DNMT3B: variants seen among roughly 807,000 people sequenced by gnomAD.
DNMT3B encodes the protein DNA methyltransferase 3 beta.
In DNMT3B, 37 loss-of-function variants were observed where a neutral mutation model predicts 120.2. The ratio of observed to expected loss-of-function variants is 0.31; its 90% CI spans 0.24 to 0.40. The LOEUF (loss-of-function observed/expected upper bound fraction) is 0.40, where lower values mean the gene tolerates loss of function less well. DNMT3B is among the 10% of genes least tolerant of loss of function. The pLI, the probability that DNMT3B is intolerant of heterozygous loss-of-function variation, is 1.00. For synonymous variants in DNMT3B, 412 were observed against 442.8 expected, an observed-to-expected ratio of 0.93 and a Z score of 0.87; for missense variants, 878 against 1,137.3, an observed-to-expected ratio of 0.77 and a Z score of 3.28.
At chr20:32,786,390 G>A in intron 4 of DNMT3B, 112 bp from the exon 5 acceptor site, 1 of 1,488,614 alleles carries the variant, frequency 6.7e-7, no homozygotes, top group South Asian at 1.2e-5. Context: ...CAGTTGTCCT[G>A]AAGCTGGCTA....
At chr20:32,793,668 G>T in intron 10 of DNMT3B, 73 bp downstream of exon 10, 3 of 1,545,962 alleles carry the variant, frequency 1.9e-6, no homozygotes, top group East Asian at 4.5e-5. Context: ...CATATAAAAT[G>T]GTCACTGGAA....
chr20:32,765,054 C>G (rs543741806), intron 1 of DNMT3B, among the ~76,000 whole-genome samples: 1 of 152,238 alleles, frequency 6.6e-6, no homozygotes, highest in African/African-American at 2.4e-5. Context: ...GGCTGCCTCA[C>G]CTCCAGGCTC....
intron 4 of DNMT3B, among the ~76,000 whole-genome samples, chr20:32,785,882 C>CTTTCT (rs1555836395): frequency 3.0e-5 from 4 of 134,420 alleles, no homozygotes; most frequent in African/African-American, 1.5e-4. Flanking sequence ...TTCTTTCTTT[C>CTTTCT]TTTTTTTTTC....
intron 6 of DNMT3B, 62 bp from the exon 7 acceptor site, chr20:32,788,792 A>G (rs1200465241): frequency 1.2e-6 from 2 of 1,608,874 alleles, no homozygotes; most frequent in Admixed American, 1.7e-5. Context: ...AGTGGAGTGG[A>G]CAGGACTTGG....
At chr20:32,771,021 AGG>A (rs1232243962) in intron 1 of DNMT3B, among the ~76,000 whole-genome samples, 1 of 152,164 alleles carries the variant, frequency 6.6e-6, no homozygotes, top group African/African-American at 2.4e-5. Context: ...CTGGGGTTAC[AGG>A]CATGAGCCAC....
intron 15 of DNMT3B, 138 bp downstream of exon 15, chr20:32,798,781 C>T (rs1160515911): frequency 1.2e-5 from 15 of 1,269,410 alleles, no homozygotes; most frequent in East Asian, 7.5e-5. Flanking sequence ...AGAGACCTGG[C>T]GAATTGCCAG....
At chr20:32,772,264 G>A (rs1448950185) in intron 1 of DNMT3B, among the ~76,000 whole-genome samples, 3 of 152,212 alleles carry the variant, frequency 2.0e-5, no homozygotes, top group African/African-American at 7.2e-5. Context: ...AGGCATTTTA[G>A]ATGACACAGT....
intron 7 of DNMT3B, among the ~76,000 whole-genome samples, 160 bp downstream of exon 7, chr20:32,789,172 A>G (rs537597783): frequency 1.3e-5 from 2 of 152,378 alleles, no homozygotes; most frequent in African/African-American, 4.8e-5. Flanking sequence ...AACCAGCTAC[A>G]GCAGATTCCA....
Position 32,801,263 on chromosome 20 carries a change from C to A in DNMT3B, c.1997-15C>A, listed in dbSNP as rs751075052. Reference sequence around the variant, plus strand: ...TTTCAAATGAACCCTGCGCTGTCATCTTTTCTGAGCACAGAGGGTACAGGC... The same window carrying A: ...TTTCAAATGAACCCTGCGCTGTCATATTTTCTGAGCACAGAGGGTACAGGC... On this transcript the variant is annotated splice_polypyrimidine_tract_variant and intron_variant, in intron 18 of 22. Transcript: ENST00000328111. 1 of 1,614,050 alleles carries A rather than the reference C, an allele frequency of 6.2e-7. No homozygotes were observed. Among genetic ancestry groups the A allele is most frequent in the Admixed American group, 1.7e-5 (1 of 60,008 alleles).
chr20:32,803,569 A>G (rs1046080705), intron 20 of DNMT3B, among the ~76,000 whole-genome samples: 1 of 152,252 alleles, frequency 6.6e-6, no homozygotes, highest in Admixed American at 6.5e-5. Context: ...TAAACACATC[A>G]TGTCGATAGT....
At position 32,799,240 on chromosome 20, in the gene DNMT3B, G is replaced by T; in HGVS notation, c.1675-4G>T. ...CCACCATGACCTCCTTCCTTACCTG[G>T]CAGGAAGCCCCCAAGCTGTACCCTG... is the stretch of plus-strand genomic sequence containing the variant. On this transcript the variant is annotated splice_region_variant and splice_polypyrimidine_tract_variant and intron_variant, in intron 15 of 22. Transcript: ENST00000328111. 1 of 1,610,584 alleles carries T rather than the reference G, an allele frequency of 6.2e-7. No homozygotes were observed. The highest frequency in any genetic ancestry group is 1.3e-5 in the African/African-American group (1 of 74,990).
Position 32,797,665 on chromosome 20 carries a change from C to CAT in DNMT3B, c.1490+366_1490+367insAT, listed in dbSNP as rs1555839671. ...ATGCCATCACACCCAGCTAGTTATT[C>CAT]TTTTTTTTTTTTGAGGTGGAGTCTT... is the stretch of plus-strand genomic sequence containing the variant. On this transcript the variant is annotated intron_variant, in intron 14 of 22. Transcript: ENST00000328111. Among the ~76,000 whole-genome samples, 3 of 146,886 alleles carry CAT rather than the reference C, an allele frequency of 2.0e-5. No individual in the cohort carries two copies. In the East Asian group the frequency reaches 6.0e-4, roughly 29 times the overall value.
chr20:32,793,483 C>T, intron 9 of DNMT3B, 53 bp from the exon 10 acceptor site: 1 of 1,582,856 alleles, frequency 6.3e-7, no homozygotes, highest in African/African-American at 1.3e-5. Flanking sequence ...AGAAAACAGT[C>T]CATACATTTA....
chr20:32,794,397 C>T (rs563124128), intron 10 of DNMT3B, among the ~76,000 whole-genome samples: 8 of 139,360 alleles, frequency 5.7e-5, no homozygotes, highest in Admixed American at 2.1e-4. Flanking sequence ...AAGAAAAAAA[C>T]GAGGCCAGGT....
chr20:32,808,081 GGTGCCGCCTCCTT>G lies in DNMT3B; in HGVS notation c.*183_*195del. The G allele has an allele frequency of 9.8e-7, 1 of 1,023,284 alleles. No homozygotes were observed. Among genetic ancestry groups the G allele is most frequent in the Non-Finnish European group, 1.4e-6 (1 of 700,058 alleles). The allele number at this position is 1,023,284 out of a possible 1,614,324, so 63.4% of individuals were successfully genotyped here. ...CCTGACTCTTGCAGGGGTAGCCTGA[GGTGCCGCCTCCTT>G]GTGCACAAATCAGACCTGGCTGCTT... On this transcript the variant is annotated 3_prime_UTR_variant, in exon 23 of 23. Coordinates refer to ENST00000328111, the MANE Select transcript of DNMT3B (RefSeq NM_006892.4).
intron 7 of DNMT3B, 88 bp downstream of exon 7, chr20:32,789,100 C>A (rs1979667830): frequency 1.3e-6 from 2 of 1,571,296 alleles, no homozygotes; most frequent in Admixed American, 1.8e-5. Flanking sequence ...GGATTGTATT[C>A]TGCAGATGTG....
chr20:32,781,523 G>T, intron 3 of DNMT3B, 109 bp downstream of exon 3: 3 of 1,173,524 alleles, frequency 2.6e-6, no homozygotes, highest in Non-Finnish European at 3.8e-6. Context: ...TGTATGGAGG[G>T]TTGCCGAGCT....
chr20:32,763,384 G>GC (rs1987095571), intron 1 of DNMT3B, among the ~76,000 whole-genome samples: 1 of 152,204 alleles, frequency 6.6e-6, no homozygotes. Context: ...CAGCGGGGCT[G>GC]CCCTCTGCCT....
chr20:32,798,134 T>C (rs561997814), intron 14 of DNMT3B, among the ~76,000 whole-genome samples: 2 of 152,048 alleles, frequency 1.3e-5, no homozygotes, highest in Admixed American at 6.5e-5. Context: ...GCCAAGAGCA[T>C]GAGGGAAGGG....
Sources: gnomAD v4.1 joint callset for allele counts (sites outside exome capture counted in the v4.1 genomes callset) on GRCh38, gnomAD v4.1.1 for gene constraint, MANE v1.5 for transcripts, NCBI Gene and HGNC (gene_info 2026-07-23, HGNC 2026-07-21) for gene names.